The following MXI1 variants were observed in gnomAD, a reference collection of about 807,000 sequenced individuals.
MXI1 encodes MAX interactor 1, dimerization protein.
In MXI1, 18 loss-of-function variants were observed where a neutral mutation model predicts 36.9. The ratio of observed to expected loss-of-function variants is 0.49; its 90% CI spans 0.34 to 0.72. The LOEUF is 0.72. Ranked by LOEUF, MXI1 falls within the 30% of genes least tolerant of loss-of-function variation. MXI1 has a pLI of 0.01. For synonymous variants in MXI1, 160 were observed against 146.7 expected (o/e 1.09, Z -0.65); for missense variants, 304 against 379.1 (o/e 0.80, Z 1.64).
At chr10:110,275,446 A>G (rs907193892) in intron 3 of MXI1, among the ~76,000 whole-genome samples, 12 of 152,204 alleles carry the variant, frequency 7.9e-5, no homozygotes, top group African/African-American at 2.9e-4. Flanking sequence ...ATTGAAAAGG[A>G]AGAATAATTT....
intron 1 of MXI1, among the ~76,000 whole-genome samples, chr10:110,217,739 C>G (rs954291222): frequency 1.3e-5 from 2 of 152,182 alleles, no homozygotes; most frequent in African/African-American, 4.8e-5. Flanking sequence ...ATCTCCAGTT[C>G]CAGGTCTATC....
At chr10:110,211,144 G>A (rs1196756321) in intron 1 of MXI1, among the ~76,000 whole-genome samples, 1 of 142,430 alleles carries the variant, frequency 7.0e-6, no homozygotes, top group African/African-American at 2.6e-5. Flanking sequence ...CAACCTCCCC[G>A]CCTTCATTTC....
chr10:110,228,117 C>G (rs1188957585), intron 1 of MXI1, 72 bp from the exon 2 acceptor site: 10 of 1,559,434 alleles, frequency 6.4e-6, no homozygotes, highest in Non-Finnish European at 8.8e-6. Context: ...CTGCAAAGAC[C>G]TCGGATTTGT....
intron 3 of MXI1, among the ~76,000 whole-genome samples, chr10:110,267,746 C>G (rs1856723669): frequency 6.6e-6 from 1 of 152,078 alleles, no homozygotes; most frequent in Admixed American, 6.6e-5. Context: ...TGATGGGGCC[C>G]TTAGAATGTC....
chr10:110,224,923 C>T (rs990804769), intron 1 of MXI1, among the ~76,000 whole-genome samples: 3 of 152,200 alleles, frequency 2.0e-5, no homozygotes, highest in South Asian at 4.1e-4. Context: ...GCTGGGATTA[C>T]AGGCGTGAGC....
intron 3 of MXI1, 151 bp from the exon 4 acceptor site, chr10:110,279,029 C>T: frequency 1.7e-6 from 1 of 600,578 alleles, no homozygotes; most frequent in Non-Finnish European, 2.9e-6. Context: ...AATGCGGCCA[C>T]CCCTACATTC....
chr10:110,259,912 G>C (rs545564071), intron 3 of MXI1, among the ~76,000 whole-genome samples: 8 of 152,094 alleles, frequency 5.3e-5, no homozygotes, highest in Non-Finnish European at 1.2e-4. Context: ...AATTTGTTTG[G>C]AAAATAATTA....
intron 1 of MXI1, chr10:110,227,439 G>A (rs988285461): frequency 5.5e-5 from 54 of 988,550 alleles, no homozygotes; most frequent in Admixed American, 1.2e-4. Flanking sequence ...TGGGTGTGCG[G>A]CGAGCGGGAA....
chr10:110,217,770 G>A (rs941778598), intron 1 of MXI1, among the ~76,000 whole-genome samples: 2 of 152,296 alleles, frequency 1.3e-5, no homozygotes, highest in Admixed American at 6.5e-5. Context: ...AATGATAGAC[G>A]AATAGAAATC....
At chr10:110,218,963 T>C (rs563575969) in intron 1 of MXI1, among the ~76,000 whole-genome samples, 1 of 152,262 alleles carries the variant, frequency 6.6e-6, no homozygotes, top group South Asian at 2.1e-4. Flanking sequence ...GGCCAACCAC[T>C]TTCTCTCGCT....
At chr10:110,225,559 C>T (rs1172436452) in intron 1 of MXI1, among the ~76,000 whole-genome samples, 2 of 152,122 alleles carry the variant, frequency 1.3e-5, no homozygotes, top group Non-Finnish European at 2.9e-5. Flanking sequence ...AACTGAGGCA[C>T]ATAAGTTACA....
intron 3 of MXI1, among the ~76,000 whole-genome samples, chr10:110,262,681 A>G (rs999833866): frequency 6.6e-6 from 1 of 152,118 alleles, no homozygotes; most frequent in Non-Finnish European, 1.5e-5. Context: ...ATACATTTCC[A>G]CAGATAATAA....
chr10:110,262,944 T>C (rs985671688), intron 3 of MXI1, among the ~76,000 whole-genome samples: 1 of 152,182 alleles, frequency 6.6e-6, no homozygotes, highest in Non-Finnish European at 1.5e-5. Flanking sequence ...GTGTCACTTG[T>C]ATGAATTTTA....
intron 3 of MXI1, among the ~76,000 whole-genome samples, chr10:110,248,812 A>G (rs1193783111): frequency 3.3e-5 from 5 of 152,136 alleles, no homozygotes; most frequent in African/African-American, 1.2e-4. Context: ...ATGATATAGA[A>G]TTAACTTTTC....
At chr10:110,256,642 A>G (rs943369348) in intron 3 of MXI1, among the ~76,000 whole-genome samples, 20 of 151,086 alleles carry the variant, frequency 1.3e-4, no homozygotes, top group Middle Eastern at 3.4e-3. Flanking sequence ...AATGGCCAAT[A>G]TACATGTGAA....
chr10:110,226,212 T>G (rs1402114961), intron 1 of MXI1: 4 of 1,479,448 alleles, frequency 2.7e-6, no homozygotes, highest in East Asian at 2.8e-5. Context: ...GCGGTGCCCA[T>G]GGAGCGGGTG....
Position 110,283,554 on chromosome 10 carries a change from CTTT to C in MXI1, c.725-1257_725-1255del, listed in dbSNP as rs34296187. ...GCTTGGCCGCACCCGGCTGAATCCA[CTTT>C]TTTTTTTTTTTTAAAGCAGTTGTGA... On this transcript the variant is annotated intron_variant, in intron 5 of 5. Transcript: ENST00000332674. 5.5e-5 allele frequency among the ~76,000 whole-genome samples: 8 copies of C among 146,264 alleles called. No homozygotes were observed. In the East Asian group the frequency reaches 6.0e-4, roughly 11 times the overall value.
At chr10:110,251,010 T>TTTTTTTTTTTTTTTTTTTTTTTTTGAG (rs376734108) in intron 3 of MXI1, among the ~76,000 whole-genome samples, 3 of 54,974 alleles carry the variant, frequency 5.5e-5, no homozygotes, top group African/African-American at 3.0e-4. Flanking sequence ...AAGTATTTGT[T>TTTTTTTTTTTTTTTTTTTTTTTTTGAG]AAAAAAAAAA....
intron 2 of MXI1, among the ~76,000 whole-genome samples, chr10:110,243,902 G>T (rs1360893922): frequency 6.6e-6 from 1 of 152,050 alleles, no homozygotes; most frequent in African/African-American, 2.4e-5. Context: ...TAGAGTCTGT[G>T]CCCTTAACCT....
Sources: allele counts gnomAD v4.1 joint callset (sites outside exome capture counted in the v4.1 genomes callset), GRCh38; gene constraint gnomAD v4.1.1; transcripts MANE v1.5; gene names NCBI Gene and HGNC (gene_info 2026-07-23, HGNC 2026-07-21).